Variants in SYNE1 observed in about 807,000 individuals in gnomAD.
SYNE1 encodes spectrin repeat containing nuclear envelope protein 1.
SYNE1 carries 616 observed loss-of-function variants against 1,111.0 expected under a neutral mutation model. The observed-to-expected ratio is 0.55, with a 90% CI of 0.52 to 0.59. The LOEUF is 0.59. SYNE1 is among the 20% of genes least tolerant of loss of function. The pLI is 0.00. For missense variants in SYNE1, 10,006 were observed against 10,417.0 expected (o/e 0.96, Z 1.72); for synonymous variants, 3,855 against 3,825.8 (o/e 1.01, Z -0.28).
chr6:152,143,922 T>C, intron 137 of SYNE1, 157 bp from the exon 138 acceptor site: 1 of 1,068,900 alleles, frequency 9.4e-7, no homozygotes, highest in Non-Finnish European at 1.4e-6. Flanking sequence ...ATCGTGCCGG[T>C]GGGTTAGACA....
chr6:152,488,639 A>AC, intron 11 of SYNE1, 136 bp from the exon 12 acceptor site: 2 of 586,332 alleles, frequency 3.4e-6, no homozygotes, highest in African/African-American at 3.7e-5. Context: ...CTTTCTCCTT[A>AC]CCCCCACCTT....
chr6:152,365,480 G>A (rs1388668104), intron 62 of SYNE1, among the ~76,000 whole-genome samples: 1 of 152,042 alleles, frequency 6.6e-6, no homozygotes, highest in Non-Finnish European at 1.5e-5. Context: ...TTTTTTTAGA[G>A]ACAGAGTCTA....
At chr6:152,629,934 A>G (rs933147093) in intron 2 of SYNE1, among the ~76,000 whole-genome samples, 1 of 152,176 alleles carries the variant, frequency 6.6e-6, no homozygotes, top group Admixed American at 6.5e-5. Context: ...GGAGCCTGTG[A>G]GTGCTGTAAA....
chr6:152,630,027 T>C (rs1054316401), intron 2 of SYNE1, among the ~76,000 whole-genome samples: 1 of 152,148 alleles, frequency 6.6e-6, no homozygotes, highest in African/African-American at 2.4e-5. Flanking sequence ...CAATTATGAA[T>C]TACAATTTAT....
At chr6:152,310,339 T>C (rs966013664) in intron 89 of SYNE1, 57 bp downstream of exon 89, 4 of 1,609,524 alleles carry the variant, frequency 2.5e-6, no homozygotes, top group African/African-American at 2.7e-5. Flanking sequence ...TTCCTTACTA[T>C]CCTCTTTTAA....
At chr6:152,200,924 G>A (rs936077702) in intron 127 of SYNE1, among the ~76,000 whole-genome samples, 1 of 152,056 alleles carries the variant, frequency 6.6e-6, no homozygotes, top group Non-Finnish European at 1.5e-5. Flanking sequence ...CACTTTTCAT[G>A]ATTTCTAGAC....
In SYNE1 at chr6:152,401,130, T is replaced by C. The variant is rs2097808400; in HGVS notation, c.7029+8A>G. The C allele has an allele frequency of 1.2e-6, 2 of 1,613,460 alleles. No individual in the cohort carries two copies. The highest frequency in any genetic ancestry group is 1.7e-6 in the Non-Finnish European group (2 of 1,179,652). The stretch of plus-strand genomic sequence containing the variant: ...AATGGAAGCACTTAATGATAGTTTA[T>C]TACCTACCTTGACTTTTTTCAATGC... On this transcript the variant is annotated splice_region_variant and intron_variant, in intron 47 of 145. Coordinates refer to ENST00000367255, the MANE Select transcript of SYNE1 (RefSeq NM_182961.4).
rs946848350 is a variant in SYNE1 at position 152,256,714 on chromosome 6, C to T, written c.19024G>A (p.Asp6342Asn). The T allele has an allele frequency of 1.9e-6, 3 of 1,613,962 alleles. No homozygotes were observed. The highest frequency in any genetic ancestry group is 2.7e-5 in the African/African-American group (2 of 74,934). Residue 6342 changes from aspartate to asparagine, a missense_variant, in exon 102 of 146, where the codon GAC (aspartate) becomes AAC (asparagine). Around this residue, in one of 7 missense-constraint regions of SYNE1, gnomAD observed 2,182 missense variants for 2,287.8 expected, o/e 0.95. Transcript: ENST00000367255. ...LLSGVPLYKG[D>N]VPTQDKSAVT... ...GCAGATTTATCTTGGGTTGGCACGT[C>T]CCCTTTGTACAGTGGCACACCAGAC...
rs926049597 is a variant in SYNE1, at chr6:152,148,797, T to G, written c.24643-419A>C. 6.6e-6 allele frequency among the ~76,000 whole-genome samples: 1 copy of G among 151,780 alleles called. No individual in the cohort carries two copies. The highest frequency in any genetic ancestry group is 1.5e-5 in the Non-Finnish European group (1 of 67,984). ...TTCAAATAATTAATATAAGATTAAA[T>G]AAATATTATAAAGAAAGGCAATCTA... is the stretch of plus-strand genomic sequence containing the variant. On this transcript the variant is annotated intron_variant, in intron 136 of 145. Transcript: ENST00000367255. The surrounding 1 kb of genome is among the most constrained non-coding windows in gnomAD (Gnocchi z 4.1).
intron 100 of SYNE1, among the ~76,000 whole-genome samples, chr6:152,266,343 T>C (rs1382987389): frequency 6.6e-6 from 1 of 152,194 alleles, no homozygotes; most frequent in Admixed American, 6.5e-5. Context: ...GAAGCAATGC[T>C]GGATGGGTTC....
At chr6:152,175,209 A>G (rs181210725) in intron 130 of SYNE1, among the ~76,000 whole-genome samples, 1 of 152,302 alleles carries the variant, frequency 6.6e-6, no homozygotes, top group Non-Finnish European at 1.5e-5. Flanking sequence ...ATAAATAAAT[A>G]TAAATAAATA....
rs1437035442 is a variant in SYNE1 at position 152,255,745 on chromosome 6, C to T, written c.19106G>A (p.Ser6369Asn). Residue 6369 changes from serine (S) to asparagine (N), a missense_variant and splice_region_variant, in exon 103 of 146, where the codon AGT becomes AAT. Around this residue, in one of 7 missense-constraint regions of SYNE1, gnomAD observed 2,182 missense variants for 2,287.8 expected, o/e 0.95. Transcript: ENST00000367255. ...TATACTCTGCCTCTTTGCCCCTCCA[C>T]TCTGGGAAACACAAAACAGGGTCAA... is the stretch of plus-strand genomic sequence containing the variant. ...NQAFEEVSSQ[S>N]GGAKRQSIHL... The T allele has an allele frequency of 1.2e-6, 2 of 1,614,096 alleles. No individual in the cohort carries two copies. Among genetic ancestry groups the T allele is most frequent in the African/African-American group, 2.7e-5 (2 of 74,946 alleles).
intron 3 of SYNE1, among the ~76,000 whole-genome samples, chr6:152,557,209 TA>T (rs1490813106): frequency 6.6e-6 from 1 of 151,626 alleles, no homozygotes; most frequent in African/African-American, 2.4e-5. Flanking sequence ...TTCAATCAAA[TA>T]GAAGAAAGAA....
chr6:152,524,503 G>A (rs893664171), intron 5 of SYNE1, among the ~76,000 whole-genome samples: 2 of 151,870 alleles, frequency 1.3e-5, no homozygotes, highest in African/African-American at 2.4e-5. Context: ...AGGTAATCAA[G>A]GGAGTATGTA....
At chr6:152,550,915 G>T (rs2099343732) in intron 3 of SYNE1, among the ~76,000 whole-genome samples, 1 of 152,088 alleles carries the variant, frequency 6.6e-6, no homozygotes, top group South Asian at 2.1e-4. Flanking sequence ...AGAAGTGCAG[G>T]GATGGAGATG....
intron 140 of SYNE1, among the ~76,000 whole-genome samples, chr6:152,138,548 T>TAAAC (rs2057656171): frequency 6.8e-6 from 1 of 146,772 alleles, no homozygotes; most frequent in African/African-American, 2.5e-5. Flanking sequence ...AATAAATAAA[T>TAAAC]AAATAAATAA....
intron 145 of SYNE1, chr6:152,128,610 AAT>A (rs2054332876): frequency 6.6e-6 from 1 of 152,248 alleles, no homozygotes; most frequent in Non-Finnish European, 1.5e-5. Context: ...CCTTCAAACT[AAT>A]AGTCAGTTTC....
At chr6:152,368,884 G>GA (rs1232192523) in intron 61 of SYNE1, 88 bp downstream of exon 61, 1 of 1,573,788 alleles carries the variant, frequency 6.4e-7, no homozygotes, top group Non-Finnish European at 8.7e-7. Context: ...GGCGGGTCAG[G>GA]ATGCAATGCA....
chr6:152,505,387 T>C lies in SYNE1; in HGVS notation c.592A>G (p.Ile198Val), dbSNP rs746384499. 2.5e-6 allele frequency: 4 copies of C among 1,613,962 alleles called. No homozygotes were observed. The Admixed American group carries it at 6.7e-5, about 27-fold the overall frequency. Reference sequence around the variant, plus strand: ...CTCTTCCCAAAATCTTTTACTTCTATTCCAGTCTGCCTTTGTGTTATAAAA... The same window carrying C: ...CTCTTCCCAAAATCTTTTACTTCTACTCCAGTCTGCCTTTGTGTTATAAAA... ...VQYTAGKQTGIEVKDFGKSWR... is the reference protein window; with the variant it reads ...VQYTAGKQTGVEVKDFGKSWR... Residue 198 changes from isoleucine (I) to valine (V), a missense_variant, in exon 9 of 146, where the codon ATA (isoleucine) becomes GTA (valine). Around this residue, in one of 7 missense-constraint regions of SYNE1, gnomAD observed 1,971 missense variants for 2,084.1 expected, o/e 0.95. Coordinates refer to ENST00000367255, the MANE Select transcript of SYNE1 (RefSeq NM_182961.4).
Sources: gnomAD v4.1 joint callset for allele counts (sites outside exome capture counted in the v4.1 genomes callset) on GRCh38, gnomAD v4.1.1 for gene constraint, gnomAD v4.1.1 regional missense constraint, Gnocchi (gnomAD v3.1) non-coding constraint, MANE v1.5 for transcripts, NCBI Gene and HGNC (gene_info 2026-07-23, HGNC 2026-07-21) for gene names.